The following RALGPS1 variants were observed in gnomAD, a reference collection of about 807,000 sequenced individuals.
RALGPS1 encodes Ral GEF with PH domain and SH3 binding motif 1.
RALGPS1 carries 19 observed loss-of-function variants against 78.8 expected under a neutral mutation model. The ratio of observed to expected loss-of-function variants is 0.24; its 90% CI spans 0.17 to 0.35. The LOEUF (loss-of-function observed/expected upper bound fraction) is 0.35, where lower values mean the gene tolerates loss of function less well. RALGPS1 is among the 10% of genes least tolerant of loss of function. The pLI is 1.00. For missense variants in RALGPS1, 454 were observed against 688.3 expected (o/e 0.66, Z 3.81); for synonymous variants, 228 against 256.3 (o/e 0.89, Z 1.06).
At chr9:126,947,726 C>T (rs1017957238) in intron 1 of RALGPS1, among the ~76,000 whole-genome samples, 2 of 152,142 alleles carry the variant, frequency 1.3e-5, no homozygotes, top group African/African-American at 4.8e-5. Flanking sequence ...TCCTATCAAG[C>T]CTGCACTGCA....
intron 11 of RALGPS1, among the ~76,000 whole-genome samples, chr9:127,179,801 G>A (rs996108616): frequency 6.6e-6 from 1 of 152,200 alleles, no homozygotes; most frequent in African/African-American, 2.4e-5. Context: ...CTTCTAGGCA[G>A]CGCCCACGCC....
At chr9:126,928,008 T>G (rs2035458160) in intron 1 of RALGPS1, among the ~76,000 whole-genome samples, 1 of 152,112 alleles carries the variant, frequency 6.6e-6, no homozygotes, top group Non-Finnish European at 1.5e-5. Context: ...GGTCTGAGAG[T>G]TAGAGTACTT....
chr9:126,931,794 A>G (rs181692085), intron 1 of RALGPS1, among the ~76,000 whole-genome samples: 1 of 152,236 alleles, frequency 6.6e-6, no homozygotes, highest in African/African-American at 2.4e-5. Flanking sequence ...TCTGAATTTA[A>G]AAAAATAACT....
At chr9:126,990,787 C>T (rs1042298548) in intron 4 of RALGPS1, among the ~76,000 whole-genome samples, 9 of 152,350 alleles carry the variant, frequency 5.9e-5, no homozygotes, top group Non-Finnish European at 1.2e-4. Flanking sequence ...GTCTGTTTCC[C>T]TCCTGGTTTG....
rs111745870 is a variant in RALGPS1 at position 127,219,051 on chromosome 9, C to T, written c.*282C>T. 65 of 510,334 alleles carry T rather than the reference C, an allele frequency of 1.3e-4. No individual in the cohort carries two copies. The highest frequency in any genetic ancestry group is 7.5e-4 in the South Asian group (36 of 47,878). 31.6% of individuals were successfully genotyped at this position (510,334 alleles called of 1,614,324 possible). ...TCTCTGGGCCCACCACCTGCATCTG[C>T]GACTAGAGAGCACCCGGCCCACGTT... On this transcript the variant is annotated 3_prime_UTR_variant, in exon 19 of 19. Coordinates refer to ENST00000259351, the MANE Select transcript of RALGPS1 (RefSeq NM_014636.3). This position sits in a 1 kb window ranked among gnomAD's most constrained non-coding sequence, Gnocchi z 5.0.
chr9:126,918,078 G>A (rs1355286015), intron 1 of RALGPS1, among the ~76,000 whole-genome samples: 2 of 152,190 alleles, frequency 1.3e-5, no homozygotes, highest in African/African-American at 4.8e-5. Context: ...AGAAGGTGTG[G>A]CAAGTTGTCC....
intron 8 of RALGPS1, among the ~76,000 whole-genome samples, chr9:127,113,227 A>G (rs2055032631): frequency 6.6e-6 from 1 of 152,188 alleles, no homozygotes; most frequent in Admixed American, 6.5e-5. Flanking sequence ...AAACAGGCTC[A>G]GTGATTTGCC....
At chr9:127,102,724 GCC>G (rs1158157134) in intron 8 of RALGPS1, among the ~76,000 whole-genome samples, 1 of 152,142 alleles carries the variant, frequency 6.6e-6, no homozygotes, top group Non-Finnish European at 1.5e-5. Context: ...AAGGGAGCTG[GCC>G]CTCCTGGAAC....
In RALGPS1 at chr9:126,916,689, G is replaced by A. The variant is rs191732911; in HGVS notation, c.-66+1714G>A. ...CTCAGCTACTCAGGAGGCTGAGGCC[G>A]AGAATTGCTTGAACGTGGGAGGCGG... On this transcript the variant is annotated intron_variant, in intron 1 of 18. Coordinates refer to ENST00000259351, the MANE Select transcript of RALGPS1 (RefSeq NM_014636.3). Among the ~76,000 whole-genome samples, 176 of 152,322 alleles carry A rather than the reference G, an allele frequency of 1.2e-3. No individual in the cohort carries two copies. In the Middle Eastern group the frequency reaches 0.017, roughly 15 times the overall value.
At chr9:127,036,341 C>G (rs1365564412) in intron 5 of RALGPS1, among the ~76,000 whole-genome samples, 1 of 152,152 alleles carries the variant, frequency 6.6e-6, no homozygotes, top group Non-Finnish European at 1.5e-5. Context: ...CCCTTCCTGG[C>G]AGAATTTTAT....
intron 1 of RALGPS1, among the ~76,000 whole-genome samples, chr9:126,925,796 C>CA (rs1474989085): frequency 6.6e-6 from 1 of 152,078 alleles, no homozygotes; most frequent in Non-Finnish European, 1.5e-5. Flanking sequence ...CTAGGGGAGT[C>CA]AGAGACAGCT....
intron 1 of RALGPS1, among the ~76,000 whole-genome samples, chr9:126,920,339 T>G (rs2034629956): frequency 6.6e-6 from 1 of 152,228 alleles, no homozygotes; most frequent in South Asian, 2.1e-4. Flanking sequence ...ATATGCTAGG[T>G]GTAGGCTTTG....
chr9:127,100,736 C>T (rs1330532017), intron 8 of RALGPS1, among the ~76,000 whole-genome samples: 1 of 152,174 alleles, frequency 6.6e-6, no homozygotes, highest in Non-Finnish European at 1.5e-5. Flanking sequence ...CTTATCAGAC[C>T]CATGACTACA....
At chr9:127,159,539 A>C (rs1403328282) in intron 8 of RALGPS1, among the ~76,000 whole-genome samples, 2 of 152,246 alleles carry the variant, frequency 1.3e-5, no homozygotes, top group African/African-American at 2.4e-5. Context: ...TCTCAGTGAC[A>C]GTAAGCTTCC....
intron 3 of RALGPS1, among the ~76,000 whole-genome samples, chr9:126,974,545 C>G (rs1045515718): frequency 6.6e-6 from 1 of 151,270 alleles, no homozygotes; most frequent in African/African-American, 2.4e-5. Flanking sequence ...TTTTTTTTTC[C>G]TTTTGGCTAA....
chr9:127,029,107 G>A (rs942840467), intron 4 of RALGPS1, among the ~76,000 whole-genome samples: 32 of 152,112 alleles, frequency 2.1e-4, no homozygotes, highest in African/African-American at 7.0e-4. Context: ...ATGGTCTCCT[G>A]GGGTGAATAT....
intron 1 of RALGPS1, among the ~76,000 whole-genome samples, chr9:126,933,624 C>G (rs1034346666): frequency 6.6e-6 from 1 of 152,002 alleles, no homozygotes; most frequent in Non-Finnish European, 1.5e-5. Flanking sequence ...AGAGGAGGGT[C>G]GGGAGGGAGC....
chr9:127,041,069 G>A (rs1295209560), intron 5 of RALGPS1, among the ~76,000 whole-genome samples: 1 of 149,712 alleles, frequency 6.7e-6, no homozygotes, highest in Admixed American at 6.6e-5. Flanking sequence ...GTGTGTGTAT[G>A]TACTAAAGTT....
At chr9:127,012,734 A>G (rs765176443) in intron 4 of RALGPS1, among the ~76,000 whole-genome samples, 3 of 152,156 alleles carry the variant, frequency 2.0e-5, no homozygotes, top group Non-Finnish European at 4.4e-5. Flanking sequence ...GTAGATTTGA[A>G]TGTAATTAGA....
Sources: allele counts gnomAD v4.1 joint callset (sites outside exome capture counted in the v4.1 genomes callset), GRCh38; gene constraint gnomAD v4.1.1; non-coding constraint Gnocchi (gnomAD v3.1); transcripts MANE v1.5; gene names NCBI Gene and HGNC (gene_info 2026-07-23, HGNC 2026-07-21).